The following PSMG4 variants were observed in gnomAD, a reference collection of about 807,000 sequenced individuals.
PSMG4 encodes the protein proteasome (prosome, macropain) assembly chaperone 4.
PSMG4 carries 10 observed loss-of-function variants against 11.0 expected under a neutral mutation model. The ratio of observed to expected loss-of-function variants is 0.91; its 90% CI spans 0.56 to 1.54. The LOEUF is 1.54. PSMG4 is among the 40% of genes most tolerant of loss of function. The probability of loss-of-function intolerance (pLI) is 0.00; values close to 1 mark genes in which losing one functional copy is unlikely to be tolerated. For synonymous variants in PSMG4, 95 were observed against 71.3 expected (o/e 1.33, Z -1.68); for missense variants, 198 against 160.9 (o/e 1.23, Z -1.25).
intron 2 of PSMG4, chr6:3,265,060 A>C (rs1249764733): frequency 6.6e-6 from 1 of 152,172 alleles, no homozygotes; most frequent in Non-Finnish European, 1.5e-5. Context: ...TCATATCAAT[A>C]AGGTAAATTA....
At chr6:3,267,424 T>A in intron 2 of PSMG4, 167 bp from the exon 3 acceptor site, 2 of 661,032 alleles carry the variant, frequency 3.0e-6, no homozygotes, top group Non-Finnish European at 4.7e-6. Context: ...GAGTGACTCG[T>A]CTGCATTTGC....
upstream of PSMG4, among the ~76,000 whole-genome samples, chr6:3,256,232 C>T (rs183031168): frequency 4.6e-5 from 7 of 152,318 alleles, no homozygotes; most frequent in East Asian, 5.8e-4. Context: ...ATAGCTCCTA[C>T]CCTATAGGGC....
At position 3,267,855 on chromosome 6, in the gene PSMG4, G is replaced by A; in HGVS notation, c.*143G>A. ...TTGAGCTTCCTTCTCAGCAGTGTGTGGGCCAAAAGGCTCATACTGACCCAC... is the reference window on the plus strand; with the variant it reads ...TTGAGCTTCCTTCTCAGCAGTGTGTAGGCCAAAAGGCTCATACTGACCCAC... On this transcript the variant is annotated 3_prime_UTR_variant, in exon 3 of 3. Coordinates refer to ENST00000438998, the MANE Select transcript of PSMG4 (RefSeq NM_001128591.2). The A allele has an allele frequency of 1.2e-6, 1 of 843,318 alleles. No homozygotes were observed. The allele number at this position is 843,318 out of a possible 1,614,324, so 52.2% of individuals were successfully genotyped here. A position where few individuals can be genotyped will look rare whatever the true frequency, so the allele number is the denominator to read the frequency against.
intron 1 of PSMG4, among the ~76,000 whole-genome samples, chr6:3,261,507 A>G (rs1180253956): frequency 6.6e-6 from 1 of 152,198 alleles, no homozygotes; most frequent in Non-Finnish European, 1.5e-5. Flanking sequence ...ACCCGACCCC[A>G]TGGTGGTCAC....
Position 3,263,641 on chromosome 6 carries a change from G to C in PSMG4, c.175-43G>C, listed in dbSNP as rs757886986. The stretch of plus-strand genomic sequence containing the variant: ...GAAGCCAGAAGTGTGGCTGGCCTGC[G>C]GGGGGTGGAGAAGCTGCAGTGTGCC... On this transcript the variant is annotated intron_variant, in intron 1 of 2. Transcript: ENST00000438998. 7.6e-6 allele frequency: 11 copies of C among 1,456,316 alleles called. No individual in the cohort carries two copies. The East Asian group carries it at 1.0e-4, about 14-fold the overall frequency. 90.2% of individuals were successfully genotyped at this position (1,456,316 alleles called of 1,614,324 possible).
chr6:3,255,651 G>C (rs9501960), upstream of PSMG4, among the ~76,000 whole-genome samples: 112,680 of 152,088 alleles, frequency 0.74, 43,048 homozygotes, highest in Non-Finnish European at 0.84. Context: ...ACAGACAAAC[G>C]AGTCCGAGAG....
upstream of PSMG4, among the ~76,000 whole-genome samples, chr6:3,257,176 G>C (rs1247169901): frequency 2.0e-5 from 3 of 152,236 alleles, no homozygotes; most frequent in African/African-American, 7.2e-5. Flanking sequence ...GGCATCTGCT[G>C]AACTTGGGTT....
intron 1 of PSMG4, 98 bp downstream of exon 1, chr6:3,259,294 C>G: frequency 9.1e-7 from 1 of 1,101,508 alleles, no homozygotes; most frequent in Non-Finnish European, 1.1e-6. Flanking sequence ...CTTGGGTCCA[C>G]AGGGCGCCCT....
chr6:3,263,766 A>G lies in PSMG4; in HGVS notation c.250+7A>G, dbSNP rs187828852. ...GGCCTTGCCCAGCGCCTAGGTATGT[A>G]CCCACAGCTGGCGCTGCATGGCCAG... On this transcript the variant is annotated splice_region_variant and intron_variant, in intron 2 of 2. Coordinates refer to ENST00000438998, the MANE Select transcript of PSMG4 (RefSeq NM_001128591.2). 6.5e-7 allele frequency: 1 copy of G among 1,550,308 alleles called. No homozygotes were observed. Among genetic ancestry groups the G allele is most frequent in the South Asian group, 1.2e-5 (1 of 83,972 alleles).
At chr6:3,264,057 T>TC in intron 2 of PSMG4, 1 of 1,435,694 alleles carries the variant, frequency 7.0e-7, no homozygotes, top group Admixed American at 2.6e-5. Flanking sequence ...CATCACCACC[T>TC]CCTGGGAGGA....
chr6:3,255,946 A>AT (rs1286111684), upstream of PSMG4, among the ~76,000 whole-genome samples: 1 of 152,218 alleles, frequency 6.6e-6, no homozygotes, highest in Non-Finnish European at 1.5e-5. Flanking sequence ...TACCTATGGC[A>AT]TTATCACACC....
intron 1 of PSMG4, among the ~76,000 whole-genome samples, chr6:3,260,324 C>G (rs1217490573): frequency 1.1e-5 from 1 of 91,556 alleles, no homozygotes; most frequent in Non-Finnish European, 2.2e-5. Context: ...CAAAGTCTTG[C>G]TCTGTCGCCC....
In PSMG4 at chr6:3,259,027, A is replaced by AG. The variant is rs1757860525; in HGVS notation, c.9dup (p.Leu4AlafsTer93). On this transcript the variant is annotated frameshift_variant, in exon 1 of 3. Coordinates refer to ENST00000438998, the MANE Select transcript of PSMG4 (RefSeq NM_001128591.2). LOFTEE classifies it high-confidence loss of function. ...GGCCGGGAGCCGTGGGGCGGCATGG[A>AG]GGGGCTGGTTGTCGCCGCCGGCGGG... 8.8e-6 allele frequency: 11 copies of AG among 1,247,688 alleles called. No individual in the cohort carries two copies. Among genetic ancestry groups the AG allele is most frequent in the Non-Finnish European group, 1.1e-5 (11 of 995,208 alleles). 77.3% of individuals were successfully genotyped at this position (1,247,688 alleles called of 1,614,324 possible).
rs1261021278 is a variant in PSMG4 at position 3,260,275 on chromosome 6, T to TTTTATATATATATATATATA, written c.174+1080_174+1081insTTATATATATATATATATAT. On this transcript the variant is annotated intron_variant, in intron 1 of 2. Transcript: ENST00000438998. Reference sequence around the variant, plus strand: ...TACTCCAGTATAACCTTGTCTTAAATTGTATATATATATATATTTTTTTTT... The same window carrying TTTTATATATATATATATATA: ...TACTCCAGTATAACCTTGTCTTAAATTTTATATATATATATATATATGTATATATATATATATTTTTTTTT... Among the ~76,000 whole-genome samples the TTTTATATATATATATATATA allele has an allele frequency of 1.2e-4, 8 of 69,090 alleles. No homozygotes were observed. In the South Asian group the frequency reaches 1.4e-3, roughly 12 times the overall value. The allele number at this position is 69,090 out of a possible 152,430, so 45.3% of individuals were successfully genotyped here. A position where few individuals can be genotyped will look rare whatever the true frequency, so the allele number is the denominator to read the frequency against.
upstream of PSMG4, among the ~76,000 whole-genome samples, chr6:3,254,732 C>CT (rs759408705): frequency 2.3e-4 from 35 of 152,142 alleles, no homozygotes; most frequent in Non-Finnish European, 4.7e-4. Context: ...AAAAAACAAA[C>CT]TCCCCCTGTG....
At chr6:3,264,909 C>G (rs1758124824) in intron 2 of PSMG4, 1 of 153,006 alleles carries the variant, frequency 6.5e-6, no homozygotes, top group Non-Finnish European at 1.5e-5. Flanking sequence ...GGGTAGCACA[C>G]TTACATGGAA....
chr6:3,257,852 T>A (rs1161084112), upstream of PSMG4, among the ~76,000 whole-genome samples: 1 of 152,202 alleles, frequency 6.6e-6, no homozygotes, highest in Non-Finnish European at 1.5e-5. Flanking sequence ...TATGTGCAGT[T>A]ATTGTATGTT....
At chr6:3,258,913 C>A, upstream of PSMG4, 1 of 1,101,432 alleles carries the variant, frequency 9.1e-7, no homozygotes, top group Non-Finnish European at 1.2e-6. Flanking sequence ...CTTCCGGGGC[C>A]GAAAGCGAAA....
At chr6:3,260,316 A>G (rs1391690881) in intron 1 of PSMG4, among the ~76,000 whole-genome samples, 50 of 28,298 alleles carry the variant, frequency 1.8e-3, no homozygotes, top group African/African-American at 2.5e-3. Flanking sequence ...TTTTGAAGCA[A>G]AGTCTTGCTC....
Sources: allele counts gnomAD v4.1 joint callset (sites outside exome capture counted in the v4.1 genomes callset), GRCh38; gene constraint gnomAD v4.1.1; transcripts MANE v1.5; gene names NCBI Gene and HGNC (gene_info 2026-07-23, HGNC 2026-07-21).